Variants in APPL1 observed in about 807,000 individuals in gnomAD.
APPL1 encodes DCC-interacting protein 13-alpha.
APPL1 carries 42 observed loss-of-function variants against 106.8 expected under a neutral mutation model. That is an observed-to-expected ratio of 0.39 (90% CI 0.31 to 0.51). The LOEUF (loss-of-function observed/expected upper bound fraction) is 0.51, where lower values mean the gene tolerates loss of function less well. Among genes scored for constraint, APPL1 ranks in the 20% least tolerant of loss-of-function variants. The pLI, the probability that APPL1 is intolerant of heterozygous loss-of-function variation, is 0.75. For missense variants in APPL1, 769 were observed against 858.2 expected (o/e 0.90, Z 1.30); for synonymous variants, 263 against 281.8 (o/e 0.93, Z 0.67).
intron 11 of APPL1, among the ~76,000 whole-genome samples, chr3:57,249,845 A>G (rs960310337): frequency 6.6e-6 from 1 of 152,204 alleles, no homozygotes; most frequent in Non-Finnish European, 1.5e-5. Flanking sequence ...AAGTTAATGG[A>G]AAGAGTCCTA....
At chr3:57,264,582 TAAA>T (rs373132720) in intron 19 of APPL1, among the ~76,000 whole-genome samples, 1 of 149,956 alleles carries the variant, frequency 6.7e-6, no homozygotes, top group Non-Finnish European at 1.5e-5. Context: ...ATAAAAAAAA[TAAA>T]AAAAAATTTT....
At chr3:57,265,701 G>A (rs1482050108) in intron 19 of APPL1, among the ~76,000 whole-genome samples, 1 of 151,954 alleles carries the variant, frequency 6.6e-6, no homozygotes. Flanking sequence ...CTGCAAACAA[G>A]GATAGTTTGA....
At chr3:57,258,767 T>G in intron 15 of APPL1, 1 of 319,736 alleles carries the variant, frequency 3.1e-6, no homozygotes. Context: ...GCAACATGGT[T>G]TATTATGTTG....
In APPL1 at chr3:57,235,552, A is replaced by G. The variant is rs1052588186; in HGVS notation, c.55-14A>G. 13 of 1,522,900 alleles carry G rather than the reference A, an allele frequency of 8.5e-6. No homozygotes were observed. The highest frequency in any genetic ancestry group is 1.2e-5 in the Non-Finnish European group (13 of 1,106,970). The allele number at this position is 1,522,900 out of a possible 1,614,324, so 94.3% of individuals were successfully genotyped here. A position where few individuals can be genotyped will look rare whatever the true frequency, so the allele number is the denominator to read the frequency against. On this transcript the variant is annotated splice_polypyrimidine_tract_variant and intron_variant, in intron 1 of 21. Coordinates refer to ENST00000288266, the MANE Select transcript of APPL1 (RefSeq NM_012096.3). ...TAATGATTAACATAAACTTATTGCT[A>G]TTGTTTTATACAGACAAGGTCTTTA...
rs767191617 is a variant in APPL1, at chr3:57,235,561, T to C, written c.55-5T>C. The C allele has an allele frequency of 9.5e-6, 15 of 1,582,448 alleles. No individual in the cohort carries two copies. The South Asian group carries it at 1.6e-4, about 17-fold the overall frequency. On this transcript the variant is annotated splice_polypyrimidine_tract_variant and splice_region_variant and intron_variant, in intron 1 of 21. Transcript: ENST00000288266. ...ACATAAACTTATTGCTATTGTTTTA[T>C]ACAGACAAGGTCTTTACTAGGTGTA...
intron 1 of APPL1, among the ~76,000 whole-genome samples, chr3:57,229,856 G>A (rs2060677291): frequency 6.6e-6 from 1 of 152,040 alleles, no homozygotes; most frequent in Non-Finnish European, 1.5e-5. Flanking sequence ...TGGGATTACA[G>A]ACGTGTGCCA....
intron 4 of APPL1, among the ~76,000 whole-genome samples, chr3:57,239,011 G>A (rs1042729798): frequency 6.6e-6 from 1 of 152,196 alleles, no homozygotes; most frequent in South Asian, 2.1e-4. Flanking sequence ...ACAGTTCCAT[G>A]TGGCTGGGGA....
chr3:57,257,170 C>G, intron 14 of APPL1, 76 bp from the exon 15 acceptor site: 1 of 1,559,942 alleles, frequency 6.4e-7, no homozygotes, highest in Non-Finnish European at 8.7e-7. Context: ...ATTGTGTTTT[C>G]TTTTTTCATA....
chr3:57,264,598 T>A (rs7433061), intron 19 of APPL1, among the ~76,000 whole-genome samples: 81,944 of 150,556 alleles, frequency 0.54, 22,994 homozygotes, highest in African/African-American at 0.6. Flanking sequence ...AAAATTTTTT[T>A]AAAAAATATT....
At position 57,267,858 on chromosome 3, in the gene APPL1, G is replaced by A. The variant is rs778467187; in HGVS notation, c.1893+66G>A. On this transcript the variant is annotated intron_variant, in intron 20 of 21. Coordinates refer to ENST00000288266, the MANE Select transcript of APPL1 (RefSeq NM_012096.3). ...TGTAATCGCAGCACATTGGGAGGCCGAGGCGGGCAGATGACTTGAGGTCAG... is the reference window on the plus strand; with the variant it reads ...TGTAATCGCAGCACATTGGGAGGCCAAGGCGGGCAGATGACTTGAGGTCAG... The A allele has an allele frequency of 1.2e-5, 18 of 1,530,200 alleles. No homozygotes were observed. The African/African-American group carries it at 1.2e-4, about 10-fold the overall frequency. 94.8% of individuals were successfully genotyped at this position (1,530,200 alleles called of 1,614,324 possible). A position where few individuals can be genotyped will look rare whatever the true frequency, so the allele number is the denominator to read the frequency against.
intron 1 of APPL1, chr3:57,230,823 G>T (rs749347521): frequency 8.2e-5 from 36 of 436,834 alleles, no homozygotes; most frequent in South Asian, 4.3e-4. Context: ...AGGTTGGATT[G>T]CAGTGGCACA....
chr3:57,269,737 G>C lies in APPL1; in HGVS notation c.*50G>C. The C allele has an allele frequency of 6.3e-7, 1 of 1,584,332 alleles. No homozygotes were observed. The highest frequency in any genetic ancestry group is 1.7e-4 in the Middle Eastern group (1 of 5,964). On this transcript the variant is annotated 3_prime_UTR_variant, in exon 22 of 22. Transcript: ENST00000288266. The stretch of plus-strand genomic sequence containing the variant: ...CCCTTGGAATTTGACAGTTTCTATG[G>C]TGAAATGGCAGAAGGTAACAACTAT...
chr3:57,231,209 G>T (rs1002049491), intron 1 of APPL1, among the ~76,000 whole-genome samples: 1 of 151,084 alleles, frequency 6.6e-6, no homozygotes, highest in East Asian at 2.0e-4. Context: ...CGTGGTGGTG[G>T]ACGTCTGTAA....
chr3:57,249,044 A>G (rs924206158), intron 10 of APPL1, among the ~76,000 whole-genome samples: 3 of 152,214 alleles, frequency 2.0e-5, no homozygotes, highest in African/African-American at 7.2e-5. Context: ...TAACCCTAGA[A>G]ATAAAATAAA....
chr3:57,241,585 C>T (rs778710953), intron 5 of APPL1, among the ~76,000 whole-genome samples: 5 of 152,086 alleles, frequency 3.3e-5, no homozygotes, highest in Non-Finnish European at 7.4e-5. Context: ...GACTGCAACC[C>T]GTGCCACCTT....
chr3:57,233,306 A>G (rs571168466), intron 1 of APPL1, among the ~76,000 whole-genome samples: 14 of 152,314 alleles, frequency 9.2e-5, no homozygotes, highest in African/African-American at 3.4e-4. Flanking sequence ...TATTGATTCT[A>G]TTTTTTAAGC....
chr3:57,261,356 C>T (rs1364458987), intron 19 of APPL1, among the ~76,000 whole-genome samples: 1 of 152,098 alleles, frequency 6.6e-6, no homozygotes, highest in Non-Finnish European at 1.5e-5. Context: ...ATTCATTTAT[C>T]TGTTAATGAA....
Position 57,259,037 on chromosome 3 carries a change from T to C in APPL1, c.1440T>C (p.Asn480=). ...KAFGQGGRRT[N]PFGESGGSTK... ...CTTCTAAACTTTTTAGGCGTACAAATCCATTTGGAGAATCTGGAGGAAGTA... is the reference window on the plus strand; with the variant it reads ...CTTCTAAACTTTTTAGGCGTACAAACCCATTTGGAGAATCTGGAGGAAGTA... Residue 480 remains asparagine, a synonymous_variant, in exon 16 of 22, where the codon AAT becomes AAC. Transcript: ENST00000288266. 1 of 1,612,788 alleles carries C rather than the reference T, an allele frequency of 6.2e-7. No individual in the cohort carries two copies. Among genetic ancestry groups the C allele is most frequent in the Non-Finnish European group, 8.5e-7 (1 of 1,179,350 alleles).
At chr3:57,237,600 T>G in intron 3 of APPL1, 49 bp downstream of exon 3, 1 of 1,315,484 alleles carries the variant, frequency 7.6e-7, no homozygotes, top group East Asian at 2.5e-5. Flanking sequence ...GTATAGTATC[T>G]GTATAGATAG....
Sources: gnomAD v4.1 joint callset for allele counts (sites outside exome capture counted in the v4.1 genomes callset) on GRCh38, gnomAD v4.1.1 for gene constraint, MANE v1.5 for transcripts, NCBI Gene and HGNC (gene_info 2026-07-23, HGNC 2026-07-21) for gene names.